UACA: variants seen among roughly 807,000 people sequenced by gnomAD.
UACA encodes the protein nuclear membrane binding protein.
A neutral mutation model predicts 160.5 loss-of-function variants in UACA; 112 were observed. The observed-to-expected ratio is 0.70, with a 90% CI of 0.60 to 0.82. The LOEUF is 0.82. UACA is among the 40% of genes least tolerant of loss of function. UACA has a pLI of 0.00. For synonymous variants in UACA, 557 were observed against 568.4 expected (o/e 0.98, Z 0.29); for missense variants, 1,574 against 1,614.6 (o/e 0.97, Z 0.43).
At position 70,676,677 on chromosome 15, in the gene UACA, T is replaced by C. The variant is rs993123875; in HGVS notation, c.1033-86A>G. On this transcript the variant is annotated intron_variant, in intron 12 of 18. Coordinates refer to ENST00000322954, the MANE Select transcript of UACA (RefSeq NM_018003.4). Reference sequence around the variant, plus strand: ...GTGTTTTAGAAAACGTGAATTGGAATTGCATTGAGGACTGGAGTTAATGAA... The same window carrying C: ...GTGTTTTAGAAAACGTGAATTGGAACTGCATTGAGGACTGGAGTTAATGAA... The C allele has an allele frequency of 4.0e-5, 44 of 1,103,486 alleles. No individual in the cohort carries two copies. In the South Asian group the frequency reaches 5.4e-4, roughly 14 times the overall value. 68.4% of individuals were successfully genotyped at this position (1,103,486 alleles called of 1,614,324 possible). A position where few individuals can be genotyped will look rare whatever the true frequency, so the allele number is the denominator to read the frequency against.
chr15:70,716,066 G>T (rs1898812894), intron 1 of UACA, among the ~76,000 whole-genome samples: 1 of 152,160 alleles, frequency 6.6e-6, no homozygotes, highest in Non-Finnish European at 1.5e-5. Flanking sequence ...ATCAAGAAAT[G>T]ACATTTATTT....
At chr15:70,678,355 C>T in intron 10 of UACA, 149 bp from the exon 11 acceptor site, 1 of 511,936 alleles carries the variant, frequency 2.0e-6, no homozygotes. Flanking sequence ...AATGATATGC[C>T]AATGATTTAA....
At chr15:70,735,673 T>C (rs954769508) in intron 1 of UACA, among the ~76,000 whole-genome samples, 2 of 142,842 alleles carry the variant, frequency 1.4e-5, no homozygotes, top group Non-Finnish European at 3.0e-5. Flanking sequence ...GAGAAAACAA[T>C]GTATTTTTGT....
At chr15:70,720,607 T>G (rs562986834) in intron 1 of UACA, among the ~76,000 whole-genome samples, 2 of 152,222 alleles carry the variant, frequency 1.3e-5, no homozygotes, top group African/African-American at 2.4e-5. Context: ...ATAAAAGACG[T>G]AGAAATCCTA....
At chr15:70,723,883 C>T (rs554572017) in intron 1 of UACA, among the ~76,000 whole-genome samples, 13 of 152,100 alleles carry the variant, frequency 8.5e-5, no homozygotes, top group Admixed American at 1.3e-4. Flanking sequence ...CCACCCGCCT[C>T]GGCCTCCCAA....
chr15:70,778,603 G>A, the UACA span, among the ~76,000 whole-genome samples: 1 of 152,098 alleles, frequency 6.6e-6, no homozygotes, highest in Non-Finnish European at 1.5e-5. Flanking sequence ...ATTATCCAGG[G>A]TAATCCCTGC....
intron 1 of UACA, among the ~76,000 whole-genome samples, chr15:70,709,494 T>C (rs377060597): frequency 9.2e-5 from 14 of 152,318 alleles, no homozygotes; most frequent in East Asian, 7.7e-4. Flanking sequence ...ATTCCAGATA[T>C]ATAAAATTTG....
At chr15:70,704,024 T>A (rs1391064942) in intron 1 of UACA, among the ~76,000 whole-genome samples, 2 of 152,210 alleles carry the variant, frequency 1.3e-5, no homozygotes, top group Admixed American at 6.5e-5. Context: ...CTCATCAGTA[T>A]CTGCCATTAC....
chr15:70,727,940 T>C (rs1205846523), intron 1 of UACA, among the ~76,000 whole-genome samples: 1 of 152,142 alleles, frequency 6.6e-6, no homozygotes, highest in Non-Finnish European at 1.5e-5. Flanking sequence ...CAAAGTGTAG[T>C]AGACAAACCG....
intron 1 of UACA, among the ~76,000 whole-genome samples, chr15:70,757,992 T>C (rs2030530866): frequency 6.6e-6 from 1 of 152,222 alleles, no homozygotes; most frequent in East Asian, 1.9e-4. Context: ...TTTTCCAAAC[T>C]AAATAAGGCA....
chr15:70,771,086 G>A, the UACA span, among the ~76,000 whole-genome samples: 4 of 152,152 alleles, frequency 2.6e-5, no homozygotes, highest in South Asian at 2.1e-4. Flanking sequence ...GTAGCTGTGC[G>A]GTCTATGCCA....
At chr15:70,769,078 G>T in the UACA span, among the ~76,000 whole-genome samples, 1 of 151,926 alleles carries the variant, frequency 6.6e-6, no homozygotes, top group African/African-American at 2.4e-5. Context: ...TCACTTTCGG[G>T]CCCGGCGCGG....
rs578213404 is a variant in UACA, at chr15:70,668,547, G to C, written c.2137C>G (p.Gln713Glu). 6.2e-7 allele frequency: 1 copy of C among 1,611,782 alleles called. No individual in the cohort carries two copies. The highest frequency in any genetic ancestry group is 1.7e-5 in the Admixed American group (1 of 59,702). The change falls in exon 16 of 19, where the codon CAG becomes GAG. Residue 713 changes from glutamine (Q) to glutamate (E), a missense_variant. Gln to Glu is a conservative substitution (Grantham distance 29). Transcript: ENST00000322954. The part of the protein sequence containing the change: ...KKITELTLKN[Q>E]TLQKEIEKVY... ...TTTTCAATTTCCTTTTGTAGTGTCT[G>C]ATTTTTCAATGTTAACTCAGTGATC... is the stretch of plus-strand genomic sequence containing the variant.
chr15:70,713,351 G>A (rs1898741062), intron 1 of UACA, among the ~76,000 whole-genome samples: 1 of 152,208 alleles, frequency 6.6e-6, no homozygotes, highest in Non-Finnish European at 1.5e-5. Flanking sequence ...GAATAGGGAA[G>A]GAGATGTGAT....
intron 1 of UACA, among the ~76,000 whole-genome samples, chr15:70,744,218 C>T (rs1423304115): frequency 7.0e-6 from 1 of 143,812 alleles, no homozygotes; most frequent in Non-Finnish European, 1.5e-5. Flanking sequence ...CACTGCATTC[C>T]AGCCTGGGCG....
At chr15:70,684,585 G>T (rs1462071146) in intron 7 of UACA, 139 bp from the exon 8 acceptor site, 4 of 783,658 alleles carry the variant, frequency 5.1e-6, no homozygotes, top group Admixed American at 3.3e-5. Context: ...CTGCCTCAAA[G>T]CAAGTGACTA....
intron 5 of UACA, 37 bp downstream of exon 5, chr15:70,690,417 T>TA: frequency 6.3e-7 from 1 of 1,589,920 alleles, no homozygotes; most frequent in South Asian, 1.1e-5. Flanking sequence ...CTAGACATTT[T>TA]AACAAATATT....
Position 70,763,547 on chromosome 15 carries a change from G to C in UACA, c.-140C>G. 8.0e-7 allele frequency: 1 copy of C among 1,244,790 alleles called. No individual in the cohort carries two copies. Among genetic ancestry groups the C allele is most frequent in the South Asian group, 3.6e-5 (1 of 27,452 alleles). The allele number at this position is 1,244,790 out of a possible 1,614,324, so 77.1% of individuals were successfully genotyped here. A position where few individuals can be genotyped will look rare whatever the true frequency, so the allele number is the denominator to read the frequency against. On this transcript the variant is annotated 5_prime_UTR_variant, in exon 1 of 19. Transcript: ENST00000322954. ...GCCTGCCACCTGCGGGCCCCGGGCA[G>C]CAGACGTCGACAGGCCTGAGGCGGG...
chr15:70,773,743 A>G, the UACA span, among the ~76,000 whole-genome samples: 80 of 152,338 alleles, frequency 5.3e-4, no homozygotes, highest in African/African-American at 1.9e-3. Flanking sequence ...AAGAAACACC[A>G]CTTTTGGAAA....
Sources: allele counts gnomAD v4.1 joint callset (sites outside exome capture counted in the v4.1 genomes callset), GRCh38; gene constraint gnomAD v4.1.1; transcripts MANE v1.5; gene names NCBI Gene and HGNC (gene_info 2026-07-23, HGNC 2026-07-21).